PINX1: variants seen among roughly 807,000 people sequenced by gnomAD.
The protein encoded by PINX1 is PIN2/TERF1-interacting telomerase inhibitor 1.
In PINX1, 34 loss-of-function variants were observed where a neutral mutation model predicts 25.4. That is an observed-to-expected ratio of 1.34 (90% CI 1.02 to 1.78). PINX1 has a LOEUF of 1.78. Among genes scored for constraint, PINX1 ranks in the 40% most tolerant of loss-of-function variants. The pLI is 0.00. For missense variants in PINX1, 592 were observed against 404.9 expected (o/e 1.46, Z -3.97); for synonymous variants, 197 against 147.7 (o/e 1.33, Z -2.42).
intron 6 of PINX1, among the ~76,000 whole-genome samples, chr8:10,809,459 A>C (rs1802557318): frequency 6.6e-6 from 1 of 152,204 alleles, no homozygotes; most frequent in Non-Finnish European, 1.5e-5. Flanking sequence ...TAGAAAATAT[A>C]GCTCTGTAAT....
At chr8:10,803,937 G>A (rs961581277) in intron 6 of PINX1, among the ~76,000 whole-genome samples, 1 of 152,188 alleles carries the variant, frequency 6.6e-6, no homozygotes, top group Non-Finnish European at 1.5e-5. Flanking sequence ...AACCTGCAAT[G>A]TAAAACTACC....
chr8:10,766,690 C>T (rs1158237744), intron 6 of PINX1, among the ~76,000 whole-genome samples: 1 of 152,212 alleles, frequency 6.6e-6, no homozygotes, highest in Non-Finnish European at 1.5e-5. Context: ...GTGAGTTACT[C>T]ACACATAACA....
chr8:10,827,640 C>T (rs535087630), intron 4 of PINX1, among the ~76,000 whole-genome samples: 8 of 152,032 alleles, frequency 5.3e-5, no homozygotes, highest in African/African-American at 1.7e-4. Flanking sequence ...GGCGCGGTGG[C>T]TCATGCCTGT....
chr8:10,813,213 G>A (rs1549794), intron 6 of PINX1, among the ~76,000 whole-genome samples: 34,210 of 152,092 alleles, frequency 0.22, 4,053 homozygotes, highest in East Asian at 0.34. Flanking sequence ...TTACTTTGGT[G>A]TCCAGATGTG....
At chr8:10,811,106 C>A (rs1458574123) in intron 6 of PINX1, among the ~76,000 whole-genome samples, 1 of 152,226 alleles carries the variant, frequency 6.6e-6, no homozygotes, top group Non-Finnish European at 1.5e-5. Context: ...GTGCTGGGCA[C>A]TTCGCTAAGA....
rs531289211 is a variant in PINX1, at chr8:10,796,814, TAAG to T, written c.471+23376_471+23378del. 4.5e-3 allele frequency among the ~76,000 whole-genome samples: 687 copies of T among 152,132 alleles called. 1 individual carries two copies. The highest frequency in any genetic ancestry group is 0.01 in the Middle Eastern group (3 of 294). ...ATGTTCATTACCATATAAAAGGCTC[TAAG>T]AAGGATGCAATGAAAAAAATTGTTA... On this transcript the variant is annotated intron_variant, in intron 6 of 6. Coordinates refer to ENST00000314787, the MANE Select transcript of PINX1 (RefSeq NM_017884.6).
intron 6 of PINX1, among the ~76,000 whole-genome samples, chr8:10,813,819 G>C (rs1051202782): frequency 6.6e-6 from 1 of 151,782 alleles, no homozygotes; most frequent in Non-Finnish European, 1.5e-5. Context: ...CTCTGGTTTC[G>C]GAGTATTTTC....
intron 4 of PINX1, among the ~76,000 whole-genome samples, chr8:10,827,353 T>C (rs907492623): frequency 1.3e-5 from 2 of 152,062 alleles, no homozygotes; most frequent in African/African-American, 4.8e-5. Flanking sequence ...GAACACACCA[T>C]TGAGGAAGAC....
chr8:10,765,258 G>C lies in PINX1; in HGVS notation c.*143C>G, dbSNP rs1394542758. Reference sequence around the variant, plus strand: ...TAACTTGGGGGAAATGTGGCGAGAGGGCAGGACTCGGCAGCCCATGGGCAT... The same window carrying C: ...TAACTTGGGGGAAATGTGGCGAGAGCGCAGGACTCGGCAGCCCATGGGCAT... On this transcript the variant is annotated 3_prime_UTR_variant, in exon 7 of 7. Coordinates refer to ENST00000314787, the MANE Select transcript of PINX1 (RefSeq NM_017884.6). The C allele has an allele frequency of 6.0e-6, 4 of 669,306 alleles. No individual in the cohort carries two copies. Among genetic ancestry groups the C allele is most frequent in the African/African-American group, 3.6e-5 (2 of 55,136 alleles). The allele number at this position is 669,306 out of a possible 1,614,324, so 41.5% of individuals were successfully genotyped here.
chr8:10,813,863 G>C (rs2093308364), intron 6 of PINX1, among the ~76,000 whole-genome samples: 1 of 151,382 alleles, frequency 6.6e-6, no homozygotes, highest in South Asian at 2.1e-4. Context: ...AAACAAGCTG[G>C]AGAGAGGAAG....
Position 10,765,827 on chromosome 8 carries a change from T to G in PINX1, c.561A>C (p.Ala187=). The G allele has an allele frequency of 6.2e-7, 1 of 1,614,014 alleles. No homozygotes were observed. The highest frequency in any genetic ancestry group is 8.5e-7 in the Non-Finnish European group (1 of 1,179,894). Residue 187 remains alanine, a synonymous_variant, in exon 7 of 7, where the codon GCA becomes GCC. Coordinates refer to ENST00000314787, the MANE Select transcript of PINX1 (RefSeq NM_017884.6). The stretch of plus-strand genomic sequence containing the variant: ...GAACCTGGGGCTTGTTCTTCAGTGC[T>G]GCCATCCGCTTGGCAAAGTACTCCT... ...TIQEYFAKRM[A]ALKNKPQVPV...
chr8:10,818,159 A>C (rs1032139064), intron 6 of PINX1, among the ~76,000 whole-genome samples: 1 of 152,160 alleles, frequency 6.6e-6, no homozygotes, highest in African/African-American at 2.4e-5. Context: ...TCACTGGAAG[A>C]AAACACTGAA....
chr8:10,802,534 T>C (rs550330933), intron 6 of PINX1, among the ~76,000 whole-genome samples: 9 of 152,212 alleles, frequency 5.9e-5, no homozygotes, highest in Admixed American at 2.0e-4. Context: ...TCCTATCTCT[T>C]TGCCAGAATC....
At position 10,765,740 on chromosome 8, in the gene PINX1, A is replaced by G; in HGVS notation, c.648T>C (p.Asn216=). The change falls in exon 7 of 7, where the codon AAT becomes AAC. Residue 216 remains asparagine (N), a synonymous_variant. Coordinates refer to ENST00000314787, the MANE Select transcript of PINX1 (RefSeq NM_017884.6). ...QVERKRGKKR[N]KEATGKDVES... ...CCACATCTTTACCTGTGGCCTCTTT[A>G]TTTCTTTTCTTCCCCCTTTTACGTT... is the stretch of plus-strand genomic sequence containing the variant. 1.2e-6 allele frequency: 2 copies of G among 1,613,620 alleles called. No individual in the cohort carries two copies. Among genetic ancestry groups the G allele is most frequent in the East Asian group, 4.5e-5 (2 of 44,836 alleles).
intron 5 of PINX1, among the ~76,000 whole-genome samples, chr8:10,821,687 C>T (rs1272497769): frequency 6.6e-6 from 1 of 152,202 alleles, no homozygotes; most frequent in Non-Finnish European, 1.5e-5. Context: ...AGCTTTGCTG[C>T]CAGCACAACC....
intron 6 of PINX1, among the ~76,000 whole-genome samples, chr8:10,775,241 C>A (rs1369788655): frequency 6.6e-6 from 1 of 152,106 alleles, no homozygotes; most frequent in South Asian, 2.1e-4. Context: ...GAAAGACTGT[C>A]TCCCTGCATG....
rs752207446 is a variant in PINX1, at chr8:10,820,267, T to C, written c.397A>G (p.Lys133Glu). The change falls in exon 6 of 7, where the codon AAG becomes GAG. Residue 133 changes from lysine to glutamate, a missense_variant and splice_region_variant. Physicochemically the swap from Lys to Glu is moderately conservative, Grantham distance 56. Coordinates refer to ENST00000314787, the MANE Select transcript of PINX1 (RefSeq NM_017884.6). ...GTTTTGCTCCGAGATGACAGATCCT[T>C]CCCTAGAAAAACAATGTGATGCTTT... ...RVHYMKFTKG[K>E]DLSSRSKTDL... is the part of the protein sequence containing the mutation. 5 of 1,607,778 alleles carry C rather than the reference T, an allele frequency of 3.1e-6. No homozygotes were observed. The Middle Eastern group carries it at 6.6e-4, about 212-fold the overall frequency.
intron 5 of PINX1, among the ~76,000 whole-genome samples, chr8:10,824,078 T>C (rs895110162): frequency 1.3e-5 from 2 of 151,724 alleles, no homozygotes; most frequent in Non-Finnish European, 2.9e-5. Context: ...TTATCTACAA[T>C]GCTGAAAAAG....
At chr8:10,832,566 C>G (rs80289332) in intron 3 of PINX1, among the ~76,000 whole-genome samples, 4 of 152,138 alleles carry the variant, frequency 2.6e-5, no homozygotes, top group Non-Finnish European at 5.9e-5. Context: ...CTCAGAGATA[C>G]GGAACTAACC....
Sources: gnomAD v4.1 joint callset for allele counts (sites outside exome capture counted in the v4.1 genomes callset) on GRCh38, gnomAD v4.1.1 for gene constraint, MANE v1.5 for transcripts, NCBI Gene and HGNC (gene_info 2026-07-23, HGNC 2026-07-21) for gene names.